AGAP3: variants seen among roughly 807,000 people sequenced by gnomAD.
AGAP3 encodes ArfGAP with GTPase domain, ankyrin repeat and PH domain 3, also known as arf-GAP with GTPase, ANK repeat and PH domain-containing protein 3.
A neutral mutation model predicts 96.9 loss-of-function variants in AGAP3; 24 were observed. The observed-to-expected ratio is 0.25, with a 90% CI of 0.18 to 0.35. AGAP3 has a LOEUF of 0.35. Among genes scored for constraint, AGAP3 ranks in the 10% least tolerant of loss-of-function variants. AGAP3 has a pLI of 1.00. For synonymous variants in AGAP3, 563 were observed against 536.1 expected, an observed-to-expected ratio of 1.05 and a Z score of -0.69; for missense variants, 876 against 1,254.2, an observed-to-expected ratio of 0.70 and a Z score of 4.55.
At chr7:151,092,864 T>C (rs991110962) in intron 1 of AGAP3, among the ~76,000 whole-genome samples, 1 of 152,190 alleles carries the variant, frequency 6.6e-6, no homozygotes, top group African/African-American at 2.4e-5. Flanking sequence ...AAGCTGCTTC[T>C]ACAGGAAACT....
rs538687221 is a variant in AGAP3, at chr7:151,144,159, G to T, written c.*216G>T. ...GAGGGATTTAGCCCTCTGCCCTAAG[G>T]TGCCATTGAAAAGGGACAGGACCCT... On this transcript the variant is annotated 3_prime_UTR_variant, in exon 18 of 18. Coordinates refer to ENST00000397238, the MANE Select transcript of AGAP3 (RefSeq NM_031946.7). 9.2e-5 allele frequency: 57 copies of T among 616,746 alleles called. No individual in the cohort carries two copies. The African/African-American group carries it at 9.6e-4, about 10-fold the overall frequency. The allele number at this position is 616,746 out of a possible 1,614,324, so 38.2% of individuals were successfully genotyped here.
In AGAP3 at chr7:151,138,135, G is replaced by A. The variant is rs546785042; in HGVS notation, c.1496-8G>A. Reference sequence around the variant, plus strand: ...CTCCCTTCCCAGTCTGACCCTTCCCGCCCCCAGGTGCCCCCCACTCGGCCA... The same window carrying A: ...CTCCCTTCCCAGTCTGACCCTTCCCACCCCCAGGTGCCCCCCACTCGGCCA... On this transcript the variant is annotated splice_region_variant and splice_polypyrimidine_tract_variant and intron_variant, in intron 11 of 17. Coordinates refer to ENST00000397238, the MANE Select transcript of AGAP3 (RefSeq NM_031946.7). 1.6e-4 allele frequency: 259 copies of A among 1,577,306 alleles called. 2 individuals carry two copies. The South Asian group carries it at 2.7e-3, about 16-fold the overall frequency.
At chr7:151,137,537 CGCTCTGTCCTCCCTCCACT>C (rs1800648979) in intron 11 of AGAP3, among the ~76,000 whole-genome samples, 1 of 152,220 alleles carries the variant, frequency 6.6e-6, no homozygotes, top group Admixed American at 6.5e-5. Flanking sequence ...AATTGTGCGG[CGCTCTGTCCTCCCTCCACT>C]GCCGGCCGCC....
At chr7:151,132,723 C>T (rs146609368) in intron 10 of AGAP3, among the ~76,000 whole-genome samples, 54 of 152,358 alleles carry the variant, frequency 3.5e-4, no homozygotes, top group African/African-American at 1.2e-3. Context: ...GAAGTGCAGG[C>T]GGAGGCTGGT....
intron 1 of AGAP3, chr7:151,115,478 C>T (rs183535982): frequency 0.032 from 32,059 of 1,017,042 alleles, 657 homozygotes; most frequent in African/African-American, 0.092. Context: ...ACCTGCTGGG[C>T]TCCGACGCCC....
intron 1 of AGAP3, among the ~76,000 whole-genome samples, chr7:151,102,696 A>G (rs1798882733): frequency 6.6e-6 from 1 of 151,858 alleles, no homozygotes; most frequent in Non-Finnish European, 1.5e-5. Flanking sequence ...GCTCACTGCA[A>G]CCTCTGCATC....
At chr7:151,106,993 C>CTTTATTTTCTTATTGCATCTTCTG (rs1236675136) in intron 1 of AGAP3, among the ~76,000 whole-genome samples, 1 of 151,518 alleles carries the variant, frequency 6.6e-6, no homozygotes, top group Non-Finnish European at 1.5e-5. Context: ...GATTTGAACA[C>CTTTATTTTCTTATTGCATCTTCTG]TTTATTGCAT....
rs1211129803 is a variant in AGAP3 at position 151,139,020 on chromosome 7, T to G, written c.1666+707T>G. Reference sequence around the variant, plus strand: ...CTTCTTTTGACCCTACTTGTTACTTTCATCATTGACCACAGATCTGAAGTT... The same window carrying G: ...CTTCTTTTGACCCTACTTGTTACTTGCATCATTGACCACAGATCTGAAGTT... On this transcript the variant is annotated intron_variant, in intron 12 of 17. Transcript: ENST00000397238. This position sits in a 1 kb window ranked among gnomAD's most constrained non-coding sequence, Gnocchi z 4.9. Among the ~76,000 whole-genome samples the G allele has an allele frequency of 6.6e-6, 1 of 152,220 alleles. No homozygotes were observed. Among genetic ancestry groups the G allele is most frequent in the East Asian group, 1.9e-4 (1 of 5,198 alleles).
In AGAP3 at chr7:151,096,584, T is replaced by G. The variant is rs181664297; in HGVS notation, c.331+9512T>G. Among the ~76,000 whole-genome samples the G allele has an allele frequency of 6.6e-6, 1 of 151,898 alleles. No individual in the cohort carries two copies. The highest frequency in any genetic ancestry group is 2.4e-5 in the African/African-American group (1 of 41,380). ...GCCTCCCAGGTTCACGCCATTCTCCTGCCACAGCCTCCCGAGTAGCTGGGA... is the reference window on the plus strand; with the variant it reads ...GCCTCCCAGGTTCACGCCATTCTCCGGCCACAGCCTCCCGAGTAGCTGGGA... On this transcript the variant is annotated intron_variant, in intron 1 of 17. Transcript: ENST00000397238. The surrounding 1 kb of genome is among the most constrained non-coding windows in gnomAD (Gnocchi z 4.4).
At chr7:151,117,572 C>T (rs1799655713) in intron 4 of AGAP3, 64 bp from the exon 5 acceptor site, 3 of 1,611,510 alleles carry the variant, frequency 1.9e-6, no homozygotes, top group Non-Finnish European at 2.5e-6. Context: ...CTTGAGTTCA[C>T]CTGCCCTGCA....
At chr7:151,089,670 G>C (rs1044916682) in intron 1 of AGAP3, 2 of 152,240 alleles carry the variant, frequency 1.3e-5, no homozygotes, top group African/African-American at 2.4e-5. Context: ...GGAAGCAGGG[G>C]ATGTTTGGCT....
intron 9 of AGAP3, among the ~76,000 whole-genome samples, chr7:151,125,398 G>A (rs1800113311): frequency 6.6e-6 from 1 of 152,128 alleles, no homozygotes; most frequent in Non-Finnish European, 1.5e-5. Flanking sequence ...TTGAACCTGG[G>A]GTTCTGGTCC....
intron 1 of AGAP3, among the ~76,000 whole-genome samples, chr7:151,113,344 C>A (rs1799382773): frequency 6.6e-6 from 1 of 152,192 alleles, no homozygotes; most frequent in Non-Finnish European, 1.5e-5. Context: ...ACTAGTCCCA[C>A]GGAAATACAA....
chr7:151,086,987 T>C lies in AGAP3; in HGVS notation c.246T>C (p.Asn82=). 4 of 1,612,934 alleles carry C rather than the reference T, an allele frequency of 2.5e-6. No homozygotes were observed. The highest frequency in any genetic ancestry group is 2.2e-5 in the South Asian group (2 of 91,072). Residue 82 remains asparagine (N), a synonymous_variant, in exon 1 of 18, where the codon AAT becomes AAC. Transcript: ENST00000397238. ...EIQRFESVHP[N]IYAIYDLIER... ...AGCGCTTCGAGTCCGTGCATCCCAA[T>C]ATCTACGCCATCTACGACCTGATCG...
In AGAP3 at chr7:151,109,697, G is replaced by A. The variant is rs561751996; in HGVS notation, c.332-7096G>A. On this transcript the variant is annotated intron_variant, in intron 1 of 17. Coordinates refer to ENST00000397238, the MANE Select transcript of AGAP3 (RefSeq NM_031946.7). ...GACTCAGGGCTCTCCAGGGTCCTCC[G>A]TATCTCTGAGGTCTCTTAGAGGGGA... 3.3e-4 allele frequency among the ~76,000 whole-genome samples: 51 copies of A among 152,294 alleles called. No individual in the cohort carries two copies. The South Asian group carries it at 5.4e-3, about 16-fold the overall frequency.
chr7:151,118,731 C>T lies in AGAP3; in HGVS notation c.969+99C>T, dbSNP rs563618885. 185 of 1,464,436 alleles carry T rather than the reference C, an allele frequency of 1.3e-4. No individual in the cohort carries two copies. The Middle Eastern group carries it at 1.3e-3, about 10-fold the overall frequency. The allele number at this position is 1,464,436 out of a possible 1,614,324, so 90.7% of individuals were successfully genotyped here. A position where few individuals can be genotyped will look rare whatever the true frequency, so the allele number is the denominator to read the frequency against. On this transcript the variant is annotated intron_variant, in intron 7 of 17. Coordinates refer to ENST00000397238, the MANE Select transcript of AGAP3 (RefSeq NM_031946.7). The surrounding 1 kb of genome is among the most constrained non-coding windows in gnomAD (Gnocchi z 6.1). ...TGCTGGCCTCCTGCTCACACCTGTC[C>T]ACCTTCCTCTGGCCTCCCAGCCTTG...
chr7:151,088,844 C>G (rs1184992159), intron 1 of AGAP3, among the ~76,000 whole-genome samples: 1 of 152,172 alleles, frequency 6.6e-6, no homozygotes, highest in Non-Finnish European at 1.5e-5. Context: ...ACACAACAGG[C>G]AGAATTTCCC....
Position 151,143,988 on chromosome 7 carries a change from A to G in AGAP3, c.*45A>G, listed in dbSNP as rs1275848464. 3.8e-6 allele frequency: 6 copies of G among 1,566,248 alleles called. No individual in the cohort carries two copies. The highest frequency in any genetic ancestry group is 3.5e-6 in the Non-Finnish European group (4 of 1,140,522). ...GGGGCCAGAAGGACTCCATGGCCCA[A>G]AGACCCTCCTCCCTGCAGGCACTGT... On this transcript the variant is annotated 3_prime_UTR_variant, in exon 18 of 18. Transcript: ENST00000397238. This position sits in a 1 kb window ranked among gnomAD's most constrained non-coding sequence, Gnocchi z 5.9.
intron 1 of AGAP3, among the ~76,000 whole-genome samples, chr7:151,111,965 C>G (rs529364826): frequency 6.6e-6 from 1 of 152,180 alleles, no homozygotes; most frequent in African/African-American, 2.4e-5. Flanking sequence ...TAATTTCCTT[C>G]GGGCCCAGTA....
Sources: gnomAD v4.1 joint callset for allele counts (sites outside exome capture counted in the v4.1 genomes callset) on GRCh38, gnomAD v4.1.1 for gene constraint, Gnocchi (gnomAD v3.1) non-coding constraint, MANE v1.5 for transcripts, NCBI Gene and HGNC (gene_info 2026-07-23, HGNC 2026-07-21) for gene names.